Variants in COL18A1 observed in about 807,000 individuals in gnomAD.
The protein encoded by COL18A1 is collagen alpha-1(XVIII) chain.
In COL18A1, 133 loss-of-function variants were observed where a neutral mutation model predicts 168.0. The ratio of observed to expected loss-of-function variants is 0.79; its 90% confidence interval spans 0.69 to 0.91. The LOEUF (loss-of-function observed/expected upper bound fraction) is 0.91. Ranked by LOEUF, COL18A1 falls within the 40% of genes least tolerant of loss-of-function variation. COL18A1 has a pLI of 0.00. For missense variants in COL18A1, 2,126 were observed against 1,925.4 expected (o/e 1.10, Z -1.95); for synonymous variants, 949 against 809.0 (o/e 1.17, Z -2.94).
chr21:45,486,716 T>C, intron 15 of COL18A1, 145 bp from the exon 16 acceptor site: 1 of 828,362 alleles, frequency 1.2e-6, no homozygotes. Context: ...AAGGCTGCTG[T>C]GGGGCCTGCG....
chr21:45,480,885 C>A, intron 13 of COL18A1, 27 bp downstream of exon 13: 8 of 1,597,738 alleles, frequency 5.0e-6, no homozygotes, highest in Admixed American at 1.7e-5. Flanking sequence ...CCGTCAGTGT[C>A]GGGAGCCCTG....
Position 45,411,534 on chromosome 21 carries a change from C to T in COL18A1, c.106+6061C>T, listed in dbSNP as rs564569412. Among the ~76,000 whole-genome samples, 4 of 152,046 alleles carry T rather than the reference C, an allele frequency of 2.6e-5. No homozygotes were observed. The South Asian group carries it at 8.3e-4, about 32-fold the overall frequency. The stretch of plus-strand genomic sequence containing the variant: ...CCTCGGACACCCACAGTCTGAAGGG[C>T]CCGGAGTAAGCCTCAGACGCCCACA... On this transcript the variant is annotated intron_variant, in intron 2 of 41. Transcript: ENST00000651438.
intron 2 of COL18A1, among the ~76,000 whole-genome samples, chr21:45,442,478 C>G (rs889405729): frequency 6.6e-6 from 1 of 152,258 alleles, no homozygotes; most frequent in East Asian, 1.9e-4. Flanking sequence ...CTGTCAGCCT[C>G]TGCCTCCACT....
chr21:45,465,482 G>A (rs2035169621), intron 2 of COL18A1, among the ~76,000 whole-genome samples: 1 of 152,240 alleles, frequency 6.6e-6, no homozygotes, highest in African/African-American at 2.4e-5. Context: ...CACTGCGTAA[G>A]TGCTATGGTG....
At chr21:45,414,885 A>C (rs1422138491) in intron 2 of COL18A1, among the ~76,000 whole-genome samples, 2 of 152,084 alleles carry the variant, frequency 1.3e-5, no homozygotes, top group African/African-American at 4.8e-5. Flanking sequence ...ACCCTGGATT[A>C]TCAGGTGGGC....
At chr21:45,506,092 A>C in intron 37 of COL18A1, 126 bp downstream of exon 37, 2 of 1,430,228 alleles carry the variant, frequency 1.4e-6, no homozygotes, top group Non-Finnish European at 1.9e-6. Flanking sequence ...GCGCTTCTTA[A>C]ACTTTCAAAC....
intron 2 of COL18A1, among the ~76,000 whole-genome samples, chr21:45,451,193 C>T (rs1378825259): frequency 6.6e-6 from 1 of 152,234 alleles, no homozygotes; most frequent in African/African-American, 2.4e-5. Context: ...ATTTCTAGTG[C>T]CCTGGCCAGA....
chr21:45,505,938 G>T lies in COL18A1; in HGVS notation c.3188G>T (p.Arg1063Leu). 6.2e-7 allele frequency: 1 copy of T among 1,613,236 alleles called. No homozygotes were observed. The highest frequency in any genetic ancestry group is 8.5e-7 in the Non-Finnish European group (1 of 1,179,970). Residue 1063 changes from arginine to leucine, a missense_variant, in exon 37 of 42, where the codon CGC (arginine) becomes CTC (leucine). Coordinates refer to ENST00000651438, the MANE Select transcript of COL18A1 (RefSeq NM_001379500.1). ...FVAEQEELYV[R>L]VQNGFRKVQL... is the part of the protein sequence containing the mutation. Reference sequence around the variant, plus strand: ...GCCGAGCAGGAGGAGCTCTACGTCCGCGTGCAGAACGGGTTCCGGAAGGTC... The same window carrying T: ...GCCGAGCAGGAGGAGCTCTACGTCCTCGTGCAGAACGGGTTCCGGAAGGTC...
rs2033780553 is a variant in COL18A1, at chr21:45,425,795, A to T, written c.106+20322A>T. 6.6e-6 allele frequency among the ~76,000 whole-genome samples: 1 copy of T among 152,146 alleles called. No individual in the cohort carries two copies. The highest frequency in any genetic ancestry group is 2.4e-5 in the African/African-American group (1 of 41,420). On this transcript the variant is annotated intron_variant, in intron 2 of 41. Transcript: ENST00000651438. This position sits in a 1 kb window ranked among gnomAD's most constrained non-coding sequence, Gnocchi z 4.1. ...ACACTGTTTTCCAAAGCAAAGCCAG[A>T]GCGCCAAGGGCTCTCGGGATTCACG...
rs114919255 is a variant in COL18A1 at position 45,467,823 on chromosome 21, C to T, written c.107-419C>T. Among the ~76,000 whole-genome samples, 1,297 of 152,298 alleles carry T rather than the reference C, an allele frequency of 8.5e-3. 17 individuals carry two copies. The highest frequency in any genetic ancestry group is 0.03 in the African/African-American group (1,239 of 41,560). On this transcript the variant is annotated intron_variant, in intron 2 of 41. Coordinates refer to ENST00000651438, the MANE Select transcript of COL18A1 (RefSeq NM_001379500.1). ...GCCCCAGCCCCTCACAGCTCCTTGC[C>T]CCAGCGGGGGTGCCGGCCAGTCCCT...
intron 2 of COL18A1, among the ~76,000 whole-genome samples, chr21:45,435,557 A>G (rs2034075338): frequency 6.6e-6 from 1 of 151,944 alleles, no homozygotes; most frequent in Non-Finnish European, 1.5e-5. Flanking sequence ...CTCGGCCTCC[A>G]TGTGTCAGGT....
intron 2 of COL18A1, among the ~76,000 whole-genome samples, chr21:45,407,189 T>G (rs2033143935): frequency 6.6e-6 from 1 of 152,184 alleles, no homozygotes; most frequent in Admixed American, 6.5e-5. Context: ...GTCGCCCCCT[T>G]TAGGGGTTAT....
chr21:45,488,064 C>G (rs79571325), intron 17 of COL18A1, among the ~76,000 whole-genome samples: 1 of 152,216 alleles, frequency 6.6e-6, no homozygotes, highest in East Asian at 1.9e-4. Context: ...ACCACCAGCG[C>G]TCTCGTGGCG....
rs527890521 is a variant in COL18A1, at chr21:45,493,054, T to C, written c.2215-109T>C. On this transcript the variant is annotated intron_variant, in intron 24 of 41. Transcript: ENST00000651438. ...GGGCCGCGAGGGGCCCTGGTCGGGC[T>C]GTCGAGGCAGGCATATTGCGGGGGG... is the stretch of plus-strand genomic sequence containing the variant. 182 of 1,160,728 alleles carry C rather than the reference T, an allele frequency of 1.6e-4. 4 individuals carry two copies. The South Asian group carries it at 2.2e-3, about 14-fold the overall frequency. 71.9% of individuals were successfully genotyped at this position (1,160,728 alleles called of 1,614,324 possible).
At chr21:45,499,924 C>T (rs2146026199) in intron 32 of COL18A1, among the ~76,000 whole-genome samples, 1 of 152,342 alleles carries the variant, frequency 6.6e-6, no homozygotes, top group African/African-American at 2.4e-5. Context: ...GATACATCTA[C>T]AGGTGCTGTA....
chr21:45,435,306 T>A, intron 2 of COL18A1, among the ~76,000 whole-genome samples: 1 of 17,012 alleles, frequency 5.9e-5, no homozygotes, highest in South Asian at 2.5e-3. Flanking sequence ...GAAGGTGGGG[T>A]GGGGGTGGGC....
At chr21:45,452,810 GTA>G (rs2034660441) in intron 2 of COL18A1, among the ~76,000 whole-genome samples, 3 of 151,914 alleles carry the variant, frequency 2.0e-5, no homozygotes, top group Admixed American at 2.0e-4. Context: ...ATGTGATTGT[GTA>G]TGCATGTGAG....
chr21:45,450,838 C>G (rs2034604515), intron 2 of COL18A1, among the ~76,000 whole-genome samples: 1 of 152,260 alleles, frequency 6.6e-6, no homozygotes, highest in Non-Finnish European at 1.5e-5. Context: ...CAGCCAGCTG[C>G]TTCAACGTTT....
intron 2 of COL18A1, among the ~76,000 whole-genome samples, chr21:45,412,340 G>A (rs1287413201): frequency 6.6e-6 from 1 of 150,788 alleles, no homozygotes; most frequent in Non-Finnish European, 1.5e-5. Flanking sequence ...GGGCTCAAGC[G>A]ATTCTCCTGC....
Sources: gnomAD v4.1 joint callset for allele counts (sites outside exome capture counted in the v4.1 genomes callset) on GRCh38, gnomAD v4.1.1 for gene constraint, Gnocchi (gnomAD v3.1) non-coding constraint, MANE v1.5 for transcripts, NCBI Gene and HGNC (gene_info 2026-07-23, HGNC 2026-07-21) for gene names.